Variants in CTNNA3 observed in about 807,000 individuals in gnomAD.
The protein encoded by CTNNA3 is catenin alpha 3, also known as catenin alpha-3.
CTNNA3 carries 76 observed loss-of-function variants against 95.7 expected under a neutral mutation model. That is an observed-to-expected ratio of 0.79 (90% CI 0.66 to 0.96). The LOEUF is 0.96. Among genes scored for constraint, CTNNA3 ranks in the 40% least tolerant of loss-of-function variants. The pLI, the probability that CTNNA3 is intolerant of heterozygous loss-of-function variation, is 0.00. For missense variants in CTNNA3, 1,191 were observed against 1,089.8 expected, an observed-to-expected ratio of 1.09 and a Z score of -1.31; for synonymous variants, 431 against 374.4, an observed-to-expected ratio of 1.15 and a Z score of -1.74.
At chr10:67,751,437 T>C (rs896651785) in intron 1 of CTNNA3, among the ~76,000 whole-genome samples, 2 of 152,176 alleles carry the variant, frequency 1.3e-5, no homozygotes, top group East Asian at 3.9e-4. Context: ...ATGGCTTGAA[T>C]AAGCAAATGA....
chr10:67,551,066 T>C (rs888048105), intron 3 of CTNNA3, among the ~76,000 whole-genome samples: 27 of 152,164 alleles, frequency 1.8e-4, no homozygotes, highest in Middle Eastern at 6.8e-3. Flanking sequence ...CTCCTGACTT[T>C]GCACCCAAAT....
At chr10:66,461,859 C>A (rs1017743385) in intron 11 of CTNNA3, among the ~76,000 whole-genome samples, 1 of 148,488 alleles carries the variant, frequency 6.7e-6, no homozygotes, top group Non-Finnish European at 1.5e-5. Flanking sequence ...GTCACCCAGG[C>A]TGGAGTACAG....
At chr10:66,853,243 C>T (rs1400691623) in intron 7 of CTNNA3, among the ~76,000 whole-genome samples, 3 of 152,020 alleles carry the variant, frequency 2.0e-5, no homozygotes, top group South Asian at 2.1e-4. Context: ...GTACTTGCAG[C>T]AGAGAGTATA....
Position 67,606,621 on chromosome 10 carries a change from A to G in CTNNA3, c.292+236T>C, listed in dbSNP as rs7089724. ...TATTATGGAAAAGCTATGGCAAGGC[A>G]GGGGAGGAAGAGGAATTGCCTGGGG... is the stretch of plus-strand genomic sequence containing the variant. On this transcript the variant is annotated intron_variant, in intron 3 of 17. Transcript: ENST00000433211. Among the ~76,000 whole-genome samples the G allele has an allele frequency of 0.45, 68,279 of 151,896 alleles. 19,166 individuals are homozygous for G. The highest frequency in any genetic ancestry group is 0.8 in the African/African-American group (33,316 of 41,404).
intron 7 of CTNNA3, among the ~76,000 whole-genome samples, chr10:67,003,096 CATA>C (rs1851775739): frequency 2.0e-5 from 3 of 152,182 alleles, no homozygotes; most frequent in African/African-American, 7.2e-5. Flanking sequence ...AACACTCAAA[CATA>C]ATTACAATGC....
Position 66,927,282 on chromosome 10 carries a change from C to T in CTNNA3, c.1048-151758G>A. 1 of 1,614,090 alleles carries T rather than the reference C, an allele frequency of 6.2e-7. No homozygotes were observed. The highest frequency in any genetic ancestry group is 1.1e-5 in the South Asian group (1 of 91,074). On this transcript the variant is annotated intron_variant, in intron 7 of 17. Transcript: ENST00000433211. This position sits in a 1 kb window ranked among gnomAD's most constrained non-coding sequence, Gnocchi z 4.7. ...TGATTCTTAGTTCCAATAGAATCTC[C>T]TATTTTCTTAACAATACCTTCAGAC... is the stretch of plus-strand genomic sequence containing the variant.
chr10:67,235,562 T>C (rs1202807832), intron 5 of CTNNA3, among the ~76,000 whole-genome samples: 3 of 147,284 alleles, frequency 2.0e-5, no homozygotes, highest in Non-Finnish European at 4.5e-5. Flanking sequence ...ATAAAAACCC[T>C]AGAAGAAAAC....
intron 13 of CTNNA3, among the ~76,000 whole-genome samples, chr10:66,200,179 A>T (rs191836199): frequency 2.1e-4 from 32 of 151,004 alleles, no homozygotes; most frequent in Non-Finnish European, 4.1e-4. Context: ...TGTTTCCAAG[A>T]AATCGCCTGA....
chr10:66,644,306 C>CTATA (rs112963546), intron 9 of CTNNA3, among the ~76,000 whole-genome samples: 1 of 107,384 alleles, frequency 9.3e-6, no homozygotes, highest in South Asian at 2.8e-4. Flanking sequence ...CTCTCTCTCT[C>CTATA]TATATATATA....
At position 66,168,366 on chromosome 10, in the gene CTNNA3, T is replaced by A. The variant is rs201323404; in HGVS notation, c.1885-65117A>T. On this transcript the variant is annotated intron_variant, in intron 13 of 17. Coordinates refer to ENST00000433211, the MANE Select transcript of CTNNA3 (RefSeq NM_013266.4). The stretch of plus-strand genomic sequence containing the variant: ...AAGGTATCCATTTATTATTTTTTTT[T>A]AAAAAAATACACATAGTCTGGCCTT... 8.9e-3 allele frequency among the ~76,000 whole-genome samples: 1,021 copies of A among 114,430 alleles called. 6 individuals are homozygous for A. The highest frequency in any genetic ancestry group is 0.032 in the East Asian group (125 of 3,866). The allele number at this position is 114,430 out of a possible 152,430, so 75.1% of individuals were successfully genotyped here.
chr10:67,310,787 C>G (rs973357842), intron 5 of CTNNA3, among the ~76,000 whole-genome samples: 6 of 152,032 alleles, frequency 3.9e-5, no homozygotes, highest in Admixed American at 3.9e-4. Flanking sequence ...GTAACTGCCC[C>G]CATGATTCAA....
At chr10:67,634,803 T>C (rs55776074) in intron 2 of CTNNA3, among the ~76,000 whole-genome samples, 20,206 of 152,056 alleles carry the variant, frequency 0.13, 2,420 homozygotes, top group African/African-American at 0.32. Flanking sequence ...ACACACAATA[T>C]GGGAGCACCC....
In CTNNA3 at chr10:66,846,302, G is replaced by T. The variant is rs144797690; in HGVS notation, c.1048-70778C>A. Among the ~76,000 whole-genome samples, 58 of 152,256 alleles carry T rather than the reference G, an allele frequency of 3.8e-4. 2 individuals are homozygous for T. The East Asian group carries it at 9.6e-3, about 25-fold the overall frequency. On this transcript the variant is annotated intron_variant, in intron 7 of 17. Transcript: ENST00000433211. ...TATAGTGATGGTTGCCAGGGGCTAA[G>T]GGATGGGGGAAATAAATGTACAGTT...
At position 67,251,056 on chromosome 10, in the gene CTNNA3, A is replaced by G. The variant is rs141407834; in HGVS notation, c.580-31186T>C. 6.1e-3 allele frequency among the ~76,000 whole-genome samples: 932 copies of G among 152,360 alleles called. 12 individuals are homozygous for G. Among genetic ancestry groups the G allele is most frequent in the African/African-American group, 0.021 (887 of 41,594 alleles). On this transcript the variant is annotated intron_variant, in intron 5 of 17. Transcript: ENST00000433211. ...GAATGTTTATGGCAGCATTCTTCATAATAACCAAAAAGTAGAAACAACCTC... is the reference window on the plus strand; with the variant it reads ...GAATGTTTATGGCAGCATTCTTCATGATAACCAAAAAGTAGAAACAACCTC...
chr10:66,751,266 GA>G (rs200982186), intron 9 of CTNNA3, among the ~76,000 whole-genome samples: 57 of 149,896 alleles, frequency 3.8e-4, no homozygotes, highest in Non-Finnish European at 6.5e-4. Context: ...AGACTATCTT[GA>G]AAAAAAAAAT....
chr10:67,295,302 G>A (rs182821021), intron 5 of CTNNA3, among the ~76,000 whole-genome samples: 4 of 152,230 alleles, frequency 2.6e-5, no homozygotes, highest in Admixed American at 2.6e-4. Flanking sequence ...AAGAAAGCAG[G>A]ATTTTTTAAA....
intron 7 of CTNNA3, among the ~76,000 whole-genome samples, chr10:66,838,762 A>G (rs1842958843): frequency 1.3e-5 from 2 of 152,182 alleles, no homozygotes; most frequent in South Asian, 4.1e-4. Context: ...CATTGAATGC[A>G]TTGATGTAGA....
rs559646160 is a variant in CTNNA3 at position 67,483,152 on chromosome 10, C to A, written c.579+38690G>T. On this transcript the variant is annotated intron_variant, in intron 5 of 17. Coordinates refer to ENST00000433211, the MANE Select transcript of CTNNA3 (RefSeq NM_013266.4). ...GAGAGGATGTGGAGAAATAGGAACA[C>A]TTTTACACTGTTGGTGGGACTGTAA... 3.6e-3 allele frequency among the ~76,000 whole-genome samples: 554 copies of A among 151,848 alleles called. 8 individuals are homozygous for A. Among genetic ancestry groups the A allele is most frequent in the African/African-American group, 0.013 (530 of 41,248 alleles).
At chr10:66,064,769 G>C (rs2080279255) in intron 15 of CTNNA3, among the ~76,000 whole-genome samples, 1 of 152,160 alleles carries the variant, frequency 6.6e-6, no homozygotes, top group Non-Finnish European at 1.5e-5. Flanking sequence ...AGCAAGCAAA[G>C]AGAGTGACTT....
Sources: gnomAD v4.1 joint callset for allele counts (sites outside exome capture counted in the v4.1 genomes callset) on GRCh38, gnomAD v4.1.1 for gene constraint, Gnocchi (gnomAD v3.1) non-coding constraint, MANE v1.5 for transcripts, NCBI Gene and HGNC (gene_info 2026-07-23, HGNC 2026-07-21) for gene names.